The following ZC3H7A variants were observed in gnomAD, a reference collection of about 807,000 sequenced individuals.
ZC3H7A encodes zinc finger CCCH domain-containing protein 7A.
A neutral mutation model predicts 125.5 loss-of-function variants in ZC3H7A; 44 were observed. That is an observed-to-expected ratio of 0.35 (90% CI 0.28 to 0.45). The LOEUF is 0.45. Among genes scored for constraint, ZC3H7A ranks in the 20% least tolerant of loss-of-function variants. ZC3H7A has a pLI of 1.00. For missense variants in ZC3H7A, 977 were observed against 1,170.7 expected, an observed-to-expected ratio of 0.83 and a Z score of 2.41; for synonymous variants, 399 against 391.2, an observed-to-expected ratio of 1.02 and a Z score of -0.23.
intron 19 of ZC3H7A, 78 bp from the exon 20 acceptor site, chr16:11,758,617 A>C (rs2052692235): frequency 1.0e-6 from 1 of 974,572 alleles, no homozygotes; most frequent in South Asian, 1.4e-5. Context: ...TAAGCAAAAG[A>C]AGCATTATTA....
chr16:11,792,324 A>C (rs985173274), intron 1 of ZC3H7A, among the ~76,000 whole-genome samples: 3 of 152,248 alleles, frequency 2.0e-5, no homozygotes, highest in African/African-American at 4.8e-5. Context: ...CAGCTGATTT[A>C]AAATTTGTTA....
intron 1 of ZC3H7A, among the ~76,000 whole-genome samples, chr16:11,786,595 C>A (rs1449286026): frequency 6.6e-6 from 1 of 152,238 alleles, no homozygotes. Flanking sequence ...TGAAAGGAAA[C>A]GGAAAATGGA....
Position 11,779,274 on chromosome 16 carries a change from G to T in ZC3H7A, c.198C>A (p.Tyr66Ter). 1 of 1,613,956 alleles carries T rather than the reference G, an allele frequency of 6.2e-7. No homozygotes were observed. Among genetic ancestry groups the T allele is most frequent in the Non-Finnish European group, 8.5e-7 (1 of 1,179,974 alleles). The change falls in exon 4 of 23, where the codon TAC (tyrosine) becomes TAA (stop). Residue 66 changes from tyrosine to a stop codon, truncating the protein, a stop_gained. Transcript: ENST00000355758. LOFTEE classifies it high-confidence loss of function. ...AATCAGCTATATTCAAGGCTTCCGTGTACTGGCTTATCGAGTTGTTCCAAT... is the reference window on the plus strand; with the variant it reads ...AATCAGCTATATTCAAGGCTTCCGTTTACTGGCTTATCGAGTTGTTCCAAT... ...EHDWNNSISQYTEALNIADYA... is the reference protein window; with the variant it reads ...EHDWNNSISQ
Position 11,781,462 on chromosome 16 carries a change from G to C in ZC3H7A, c.71C>G (p.Ser24Ter). Residue 24 changes from serine (S) to a stop codon, truncating the protein, a stop_gained and splice_region_variant, in exon 3 of 23, where the codon TCA becomes TGA. Coordinates refer to ENST00000355758, the MANE Select transcript of ZC3H7A (RefSeq NM_014153.4). LOFTEE classifies it high-confidence loss of function. ...CTGTGTTCCTGGATATGACAGCGGTGACCTAAGAAGAAGAAACAAATTAAC... is the reference window on the plus strand; with the variant it reads ...CTGTGTTCCTGGATATGACAGCGGTCACCTAAGAAGAAGAAACAAATTAAC... ...NIKEGLQFIQ[S>*]PLSYPGTQEQ... is the part of the protein sequence containing the mutation. The C allele has an allele frequency of 6.2e-7, 1 of 1,603,370 alleles. No individual in the cohort carries two copies. Among genetic ancestry groups the C allele is most frequent in the Non-Finnish European group, 8.5e-7 (1 of 1,172,712 alleles).
At chr16:11,789,814 C>T (rs2053320109) in intron 1 of ZC3H7A, among the ~76,000 whole-genome samples, 2 of 152,094 alleles carry the variant, frequency 1.3e-5, no homozygotes, top group Admixed American at 1.3e-4. Flanking sequence ...GCCATGGTGG[C>T]TCACACCTGT....
chr16:11,768,509 A>G lies in ZC3H7A; in HGVS notation c.1174-8T>C, dbSNP rs781033070. The G allele has an allele frequency of 4.1e-6, 6 of 1,452,006 alleles. No individual in the cohort carries two copies. Among genetic ancestry groups the G allele is most frequent in the Admixed American group, 2.5e-5 (1 of 39,300 alleles). The allele number at this position is 1,452,006 out of a possible 1,614,324, so 89.9% of individuals were successfully genotyped here. ...ACTACCTGGTCCATTCATCTGCAAG[A>G]AAAATAAGAAGAAAAAAAAAAAAAA... On this transcript the variant is annotated splice_polypyrimidine_tract_variant and splice_region_variant and intron_variant, in intron 11 of 22. Coordinates refer to ENST00000355758, the MANE Select transcript of ZC3H7A (RefSeq NM_014153.4).
rs998501169 is a variant in ZC3H7A, at chr16:11,758,706, T to C, written c.2320-167A>G. The C allele has an allele frequency of 1.7e-5, 10 of 574,142 alleles. No homozygotes were observed. In the Admixed American group the frequency reaches 3.4e-4, roughly 19 times the overall value. 35.6% of individuals were successfully genotyped at this position (574,142 alleles called of 1,614,324 possible). A position where few individuals can be genotyped will look rare whatever the true frequency, so the allele number is the denominator to read the frequency against. ...TCAAATTAACTATATGCTCTAAATA[T>C]ATGAAATGATATTAAGGTTTCTATC... On this transcript the variant is annotated intron_variant, in intron 19 of 22. Transcript: ENST00000355758.
intron 1 of ZC3H7A, among the ~76,000 whole-genome samples, chr16:11,789,275 T>C (rs2053311723): frequency 6.6e-6 from 1 of 152,216 alleles, no homozygotes; most frequent in African/African-American, 2.4e-5. Context: ...GTTTTTATTT[T>C]TTTTTTGAGA....
chr16:11,760,603 C>A (rs935712662), intron 19 of ZC3H7A, among the ~76,000 whole-genome samples: 32 of 152,342 alleles, frequency 2.1e-4, no homozygotes, highest in African/African-American at 7.0e-4. Context: ...TACAGTCCAT[C>A]TGCCCTGCTT....
At chr16:11,786,551 G>A (rs16958664) in intron 1 of ZC3H7A, among the ~76,000 whole-genome samples, 10,972 of 152,240 alleles carry the variant, frequency 0.072, 468 homozygotes, top group Middle Eastern at 0.11. Flanking sequence ...CACAAAAGGC[G>A]TGTGGCAAAG....
intron 19 of ZC3H7A, among the ~76,000 whole-genome samples, chr16:11,761,198 G>A (rs879483161): frequency 6.6e-6 from 1 of 151,952 alleles, no homozygotes; most frequent in South Asian, 2.1e-4. Flanking sequence ...CTTTTTCCAA[G>A]TAACTCATAA....
chr16:11,765,231 T>A lies in ZC3H7A; in HGVS notation c.1720-78A>T. ...ACCCAGAATATTGTCCTAGTTTCAA[T>A]ATCATTACAAAATTAATATTCAATA... is the stretch of plus-strand genomic sequence containing the variant. On this transcript the variant is annotated intron_variant, in intron 14 of 22. Transcript: ENST00000355758. This position sits in a 1 kb window ranked among gnomAD's most constrained non-coding sequence, Gnocchi z 4.8. 1 of 928,448 alleles carries A rather than the reference T, an allele frequency of 1.1e-6. No homozygotes were observed. Among genetic ancestry groups the A allele is most frequent in the South Asian group, 1.9e-5 (1 of 51,294 alleles). The allele number at this position is 928,448 out of a possible 1,614,324, so 57.5% of individuals were successfully genotyped here.
intron 17 of ZC3H7A, among the ~76,000 whole-genome samples, chr16:11,762,354 G>A (rs2052766813): frequency 6.6e-6 from 1 of 152,116 alleles, no homozygotes; most frequent in Non-Finnish European, 1.5e-5. Flanking sequence ...GACATGCCAG[G>A]TGGAAAGCTA....
At chr16:11,769,601 C>G (rs1332896296) in intron 10 of ZC3H7A, among the ~76,000 whole-genome samples, 1 of 148,794 alleles carries the variant, frequency 6.7e-6, no homozygotes, top group African/African-American at 2.5e-5. Flanking sequence ...ATCCCAGCTA[C>G]TCAGGAGGCT....
chr16:11,786,331 G>A (rs1167841468), intron 1 of ZC3H7A, among the ~76,000 whole-genome samples: 1 of 152,156 alleles, frequency 6.6e-6, no homozygotes, highest in Non-Finnish European at 1.5e-5. Context: ...AAGGATGTCT[G>A]AAACCAGGAC....
intron 4 of ZC3H7A, among the ~76,000 whole-genome samples, chr16:11,778,426 GAC>G (rs1379559072): frequency 9.1e-6 from 1 of 109,638 alleles, no homozygotes; most frequent in Non-Finnish European, 1.7e-5. Context: ...GACAGAGCGA[GAC>G]ACTGTCTCAA....
At chr16:11,766,115 T>A (rs2052853549) in intron 13 of ZC3H7A, among the ~76,000 whole-genome samples, 1 of 151,986 alleles carries the variant, frequency 6.6e-6, no homozygotes, top group African/African-American at 2.4e-5. Context: ...AAAAAAATCA[T>A]TTAGGGACAT....
At chr16:11,794,661 G>A (rs1241162505) in intron 1 of ZC3H7A, among the ~76,000 whole-genome samples, 3 of 152,206 alleles carry the variant, frequency 2.0e-5, no homozygotes, top group African/African-American at 7.2e-5. Context: ...GGATACAGAC[G>A]TCTTTTGTTT....
At chr16:11,764,951 G>A (rs1311425386) in intron 15 of ZC3H7A, 102 bp downstream of exon 15, 11 of 732,218 alleles carry the variant, frequency 1.5e-5, no homozygotes, top group Non-Finnish European at 2.2e-5. Flanking sequence ...ACAACATAAC[G>A]ATGAAAGGGC....
Sources: gnomAD v4.1 joint callset for allele counts (sites outside exome capture counted in the v4.1 genomes callset) on GRCh38, gnomAD v4.1.1 for gene constraint, Gnocchi (gnomAD v3.1) non-coding constraint, MANE v1.5 for transcripts, NCBI Gene and HGNC (gene_info 2026-07-23, HGNC 2026-07-21) for gene names.